Variants in TMTC4 observed in about 807,000 individuals in gnomAD.
TMTC4 encodes the protein transmembrane O-mannosyltransferase targeting cadherins 4, also known as protein O-mannosyl-transferase TMTC4.
TMTC4 carries 65 observed loss-of-function variants against 86.0 expected under a neutral mutation model. The ratio of observed to expected loss-of-function variants is 0.76; its 90% CI spans 0.62 to 0.93. TMTC4 has a LOEUF of 0.93. Among genes scored for constraint, TMTC4 ranks in the 40% least tolerant of loss-of-function variants. TMTC4 has a pLI of 0.00. For missense variants in TMTC4, 866 were observed against 948.1 expected (o/e 0.91, Z 1.14); for synonymous variants, 379 against 382.5 (o/e 0.99, Z 0.11).
intron 16 of TMTC4, among the ~76,000 whole-genome samples, chr13:100,613,373 G>A (rs1877946039): frequency 6.6e-6 from 1 of 152,130 alleles, no homozygotes; most frequent in Non-Finnish European, 1.5e-5. Context: ...AAAGACGTTT[G>A]GATTTTTAAA....
chr13:100,617,836 A>G (rs962283040), intron 15 of TMTC4, among the ~76,000 whole-genome samples: 2 of 152,254 alleles, frequency 1.3e-5, no homozygotes, highest in Non-Finnish European at 2.9e-5. Flanking sequence ...TTGGTTCAAT[A>G]TGAATTTAAG....
intron 12 of TMTC4, among the ~76,000 whole-genome samples, chr13:100,629,655 TTC>T (rs1200891587): frequency 6.6e-6 from 1 of 152,146 alleles, no homozygotes; most frequent in African/African-American, 2.4e-5. Flanking sequence ...AAAATCACAT[TTC>T]TTTTTATATG....
At chr13:100,655,146 C>T (rs1019714552) in intron 6 of TMTC4, among the ~76,000 whole-genome samples, 5 of 151,726 alleles carry the variant, frequency 3.3e-5, no homozygotes, top group Admixed American at 6.6e-5. Context: ...CTCAGCCTCC[C>T]GAGTAGCTGG....
Position 100,609,678 on chromosome 13 carries a change from T to TACACAC in TMTC4, c.2064+2719_2064+2720insGTGTGT, listed in dbSNP as rs535180236. On this transcript the variant is annotated intron_variant, in intron 17 of 18. Coordinates refer to ENST00000342624, the MANE Select transcript of TMTC4 (RefSeq NM_032813.5). The stretch of plus-strand genomic sequence containing the variant: ...ATTGAATGCTCACTAAATGTATATA[T>TACACAC]ATACACACACACACACACACACACC... Among the ~76,000 whole-genome samples the TACACAC allele has an allele frequency of 4.9e-5, 7 of 142,710 alleles. No homozygotes were observed. The South Asian group carries it at 6.5e-4, about 13-fold the overall frequency. The allele number at this position is 142,710 out of a possible 152,430, so 93.6% of individuals were successfully genotyped here.
At chr13:100,629,385 G>A (rs1321640377) in intron 12 of TMTC4, among the ~76,000 whole-genome samples, 2 of 152,112 alleles carry the variant, frequency 1.3e-5, no homozygotes, top group Admixed American at 6.5e-5. Flanking sequence ...GCGGTGTTGC[G>A]TGCTGTGTGA....
intron 15 of TMTC4, among the ~76,000 whole-genome samples, chr13:100,615,191 G>T (rs1402899942): frequency 6.6e-6 from 1 of 152,096 alleles, no homozygotes; most frequent in Admixed American, 6.5e-5. Flanking sequence ...GGGCTGGAGT[G>T]CAATGGCGCG....
At chr13:100,642,398 C>A in intron 6 of TMTC4, 87 bp from the exon 7 acceptor site, 1 of 1,414,492 alleles carries the variant, frequency 7.1e-7, no homozygotes, top group Non-Finnish European at 9.9e-7. Context: ...TAAGCAAATA[C>A]CTTAAACAAC....
In TMTC4 at chr13:100,668,608, C is replaced by T; in HGVS notation, c.190G>A (p.Asp64Asn). The T allele has an allele frequency of 6.2e-7, 1 of 1,614,164 alleles. No individual in the cohort carries two copies. The highest frequency in any genetic ancestry group is 1.1e-5 in the South Asian group (1 of 91,080). Residue 64 changes from aspartate to asparagine, a missense_variant, in exon 3 of 19, where the codon GAT (aspartate) becomes AAT (asparagine). Coordinates refer to ENST00000342624, the MANE Select transcript of TMTC4 (RefSeq NM_032813.5). ...TTGTTAACAATAGCTTCTGAGTCAT[C>T]AAAGACAAAGTCTCCATCATAGCTG... is the stretch of plus-strand genomic sequence containing the variant. Reference protein sequence around the residue: ...ARSYDGDFVFDDSEAIVNNKD... With the variant: ...ARSYDGDFVFNDSEAIVNNKD...
rs754469084 is a variant in TMTC4, at chr13:100,656,453, C to T, written c.568G>A (p.Gly190Ser). The change falls in exon 6 of 19, where the codon GGC (glycine) becomes AGC (serine). Residue 190 changes from glycine to serine, a missense_variant. Coordinates refer to ENST00000342624, the MANE Select transcript of TMTC4 (RefSeq NM_032813.5). Reference protein sequence around the residue: ...VHTECVAGVVGRADLLCALFF... With the variant: ...VHTECVAGVVSRADLLCALFF... The stretch of plus-strand genomic sequence containing the variant: ...AGGGCACACAGGAGGTCTGCACGGC[C>T]GACAACACCAGCAACCTTAAAAAAG... 2.5e-6 allele frequency: 4 copies of T among 1,607,016 alleles called. No homozygotes were observed. The highest frequency in any genetic ancestry group is 3.4e-6 in the Non-Finnish European group (4 of 1,176,730).
intron 12 of TMTC4, among the ~76,000 whole-genome samples, chr13:100,627,075 C>G (rs1344528074): frequency 6.6e-6 from 1 of 152,192 alleles, no homozygotes; most frequent in East Asian, 1.9e-4. Context: ...CTGCCTGCAC[C>G]TTGATGGTGG....
chr13:100,658,773 A>G (rs1354110302), intron 5 of TMTC4, among the ~76,000 whole-genome samples: 1 of 152,250 alleles, frequency 6.6e-6, no homozygotes, highest in African/African-American at 2.4e-5. Flanking sequence ...GACTTTGAGC[A>G]ATGTACATTA....
rs749848144 is a variant in TMTC4, at chr13:100,634,790, C to A, written c.1506+15G>T. Reference sequence around the variant, plus strand: ...CTAGTAAGGTCCCTTTAAAAGAAATCTGGCAGCTAGGTACCTTAGCATTGA... The same window carrying A: ...CTAGTAAGGTCCCTTTAAAAGAAATATGGCAGCTAGGTACCTTAGCATTGA... On this transcript the variant is annotated intron_variant, in intron 12 of 18. Coordinates refer to ENST00000342624, the MANE Select transcript of TMTC4 (RefSeq NM_032813.5). The A allele has an allele frequency of 9.9e-6, 16 of 1,608,962 alleles. No homozygotes were observed. Among genetic ancestry groups the A allele is most frequent in the Non-Finnish European group, 1.3e-5 (15 of 1,178,276 alleles).
chr13:100,653,217 T>G (rs1038046910), intron 6 of TMTC4, among the ~76,000 whole-genome samples: 2 of 152,238 alleles, frequency 1.3e-5, no homozygotes, highest in African/African-American at 4.8e-5. Flanking sequence ...AAGCACATTC[T>G]ATTCTTCGCA....
chr13:100,610,905 C>T (rs1877459857), intron 17 of TMTC4, among the ~76,000 whole-genome samples: 1 of 152,196 alleles, frequency 6.6e-6, no homozygotes, highest in Admixed American at 6.5e-5. Flanking sequence ...GTAAACCTCA[C>T]CTCCTTCCCC....
intron 6 of TMTC4, among the ~76,000 whole-genome samples, chr13:100,648,249 T>C (rs921221808): frequency 4.6e-5 from 7 of 152,246 alleles, no homozygotes; most frequent in South Asian, 2.1e-4. Context: ...TTACAGCTAA[T>C]GAGTGCTTGA....
At chr13:100,654,249 G>A (rs1884803829) in intron 6 of TMTC4, among the ~76,000 whole-genome samples, 1 of 152,160 alleles carries the variant, frequency 6.6e-6, no homozygotes, top group Non-Finnish European at 1.5e-5. Context: ...ATGCAAAAAT[G>A]CCCAGGTTAA....
chr13:100,659,900 G>C (rs1032061929), intron 5 of TMTC4, among the ~76,000 whole-genome samples: 1 of 146,934 alleles, frequency 6.8e-6, no homozygotes, highest in Non-Finnish European at 1.5e-5. Flanking sequence ...CTCAATCTCA[G>C]GCACACTAGA....
chr13:100,656,610 T>C, intron 5 of TMTC4, 142 bp from the exon 6 acceptor site: 1 of 606,866 alleles, frequency 1.6e-6, no homozygotes, highest in South Asian at 2.1e-5. Context: ...CAGTGTGATC[T>C]TGGCTCACTG....
intron 15 of TMTC4, among the ~76,000 whole-genome samples, chr13:100,618,979 C>T (rs1235984789): frequency 5.3e-5 from 8 of 152,336 alleles, no homozygotes; most frequent in East Asian, 3.9e-4. Flanking sequence ...ATTGTCATCC[C>T]AGCCCGTTCT....
Sources: allele counts gnomAD v4.1 joint callset (sites outside exome capture counted in the v4.1 genomes callset), GRCh38; gene constraint gnomAD v4.1.1; transcripts MANE v1.5; gene names NCBI Gene and HGNC (gene_info 2026-07-23, HGNC 2026-07-21).